The following NUMA1 variants were observed in gnomAD, a reference collection of about 807,000 sequenced individuals.
NUMA1 encodes the protein SP-H antigen.
A neutral mutation model predicts 237.1 loss-of-function variants in NUMA1; 62 were observed. The ratio of observed to expected loss-of-function variants is 0.26; its 90% CI spans 0.21 to 0.32. The LOEUF is 0.32. Ranked by LOEUF, NUMA1 falls within the 10% of genes least tolerant of loss-of-function variation. The pLI is 1.00. For missense variants in NUMA1, 2,533 were observed against 2,666.5 expected (o/e 0.95, Z 1.10); for synonymous variants, 1,028 against 1,066.1 (o/e 0.96, Z 0.70).
chr11:72,014,098 T>C lies in NUMA1; in HGVS notation c.3405A>G (p.Gln1135=), dbSNP rs79170800. ...LRAEVSKLEQ[Q]CQKQQEQADS... is the part of the protein sequence containing the mutation. ...CAGCCTGCTCCTGCTGCTTCTGGCA[T>C]TGCTGTTCCAGCTTGCTCACCTCTG... The change falls in exon 15 of 27, where the codon CAA becomes CAG. Residue 1135 remains glutamine (Q), a synonymous_variant. Transcript: ENST00000393695. This position sits in a 1 kb window ranked among gnomAD's most constrained non-coding sequence, Gnocchi z 4.6. The C allele has an allele frequency of 2.5e-6, 4 of 1,611,246 alleles. No individual in the cohort carries two copies. Among genetic ancestry groups the C allele is most frequent in the Admixed American group, 3.3e-5 (2 of 60,012 alleles).
intron 24 of NUMA1, 97 bp downstream of exon 24, chr11:72,004,543 G>T: frequency 7.5e-7 from 1 of 1,334,768 alleles, no homozygotes; most frequent in East Asian, 2.3e-5. Context: ...AGAGGGGGAA[G>T]TGAGGGAAGG....
intron 20 of NUMA1, 102 bp downstream of exon 20, chr11:72,008,586 A>G (rs1298704520): frequency 3.0e-6 from 4 of 1,325,764 alleles, no homozygotes; most frequent in Non-Finnish European, 4.3e-6. Flanking sequence ...ATTCTTCTCT[A>G]AGAATAAATT....
At chr11:72,047,386 G>A (rs1024033383) in intron 2 of NUMA1, among the ~76,000 whole-genome samples, 3 of 152,128 alleles carry the variant, frequency 2.0e-5, no homozygotes, top group Non-Finnish European at 2.9e-5. Context: ...TACTCAGGAG[G>A]CTGAGGTGGG....
chr11:72,073,635 T>TGA (rs1377647822), intron 1 of NUMA1, among the ~76,000 whole-genome samples: 6 of 152,206 alleles, frequency 3.9e-5, no homozygotes, highest in Admixed American at 2.6e-4. Flanking sequence ...GAAAGACTTA[T>TGA]GAGTCCACTA....
chr11:72,042,845 G>A (rs1941766425), intron 2 of NUMA1, among the ~76,000 whole-genome samples: 1 of 152,092 alleles, frequency 6.6e-6, no homozygotes, highest in Non-Finnish European at 1.5e-5. Flanking sequence ...ATGGAAAGGG[G>A]CCTTGGCACG....
In NUMA1 at chr11:72,003,919, C is replaced by T. The variant is rs376020708; in HGVS notation, c.6304G>A (p.Ala2102Thr). Residue 2102 changes from alanine to threonine, a missense_variant, in exon 26 of 27, where the codon GCC (alanine) becomes ACC (threonine). Ala to Thr is a moderately conservative substitution (Grantham distance 58). Around this residue, in one of 3 missense-constraint regions of NUMA1, gnomAD observed 795 missense variants for 750.8 expected, o/e 1.06. Transcript: ENST00000393695. ...TTTASAATAA[A>T]IGATPRAKGK... ...TTGGCTCGAGGGGTGGCACCAATGG[C>T]GGCAGCAGTGGCGGCGCTGGCTGTG... The T allele has an allele frequency of 5.2e-5, 84 of 1,613,114 alleles. 1 individual carries two copies. The highest frequency in any genetic ancestry group is 3.3e-4 in the Middle Eastern group (2 of 6,024).
At chr11:72,005,708 A>G in intron 22 of NUMA1, 3 of 496,230 alleles carry the variant, frequency 6.0e-6, no homozygotes, top group Non-Finnish European at 7.1e-6. Flanking sequence ...AAAGGACAAG[A>G]GCTTCCAAGA....
chr11:72,013,968 C>G lies in NUMA1; in HGVS notation c.3535G>C (p.Gly1179Arg). The change falls in exon 15 of 27, where the codon GGG (glycine) becomes CGG (arginine). Residue 1179 changes from glycine to arginine, a missense_variant. This residue lies in a region of NUMA1 where 1,414 missense variants were observed against 1,508.1 expected (regional missense o/e 0.94). Coordinates refer to ENST00000393695, the MANE Select transcript of NUMA1 (RefSeq NM_006185.4). The surrounding 1 kb of genome is among the most constrained non-coding windows in gnomAD (Gnocchi z 6.8). ...GQLEEKAQEL[G>R]HSQSALASAQ... ...GAGGCTAAGGCACTCTGACTGTGCC[C>G]TAGCTCCTGGGCCTTCTCCTCTAAC... 6.2e-7 allele frequency: 1 copy of G among 1,613,528 alleles called. No individual in the cohort carries two copies. Among genetic ancestry groups the G allele is most frequent in the South Asian group, 1.1e-5 (1 of 91,090 alleles).
Position 72,055,208 on chromosome 11 carries a change from C to T in NUMA1, c.-33+14634G>A, listed in dbSNP as rs188475648. On this transcript the variant is annotated intron_variant, in intron 2 of 26. Transcript: ENST00000393695. The stretch of plus-strand genomic sequence containing the variant: ...AAATGACTATTATTTGTGTATGGCT[C>T]TTTACAACTAACAAAGTGTTTCCCA... Among the ~76,000 whole-genome samples the T allele has an allele frequency of 1.8e-3, 275 of 152,202 alleles. 3 individuals are homozygous for T. Among genetic ancestry groups the T allele is most frequent in the Non-Finnish European group, 1.9e-3 (127 of 68,004 alleles).
intron 2 of NUMA1, among the ~76,000 whole-genome samples, chr11:72,050,155 A>G (rs1350308157): frequency 1.3e-5 from 2 of 152,216 alleles, no homozygotes; most frequent in Admixed American, 6.5e-5. Flanking sequence ...GAGGAACTAC[A>G]AGGCAGCTTT....
At position 72,008,452 on chromosome 11, in the gene NUMA1, C is replaced by CA. The variant is rs2134618146; in HGVS notation, c.5216+235dup. 4 of 538,610 alleles carry CA rather than the reference C, an allele frequency of 7.4e-6. No individual in the cohort carries two copies. The East Asian group carries it at 1.3e-4, about 18-fold the overall frequency. The allele number at this position is 538,610 out of a possible 1,614,324, so 33.4% of individuals were successfully genotyped here. A position where few individuals can be genotyped will look rare whatever the true frequency, so the allele number is the denominator to read the frequency against. ...CTGCTCTTCTCGTCAACCTGGCACA[C>CA]ACACCTATGGATGCTTTCAAGACTC... is the stretch of plus-strand genomic sequence containing the variant. On this transcript the variant is annotated intron_variant, in intron 20 of 26. Coordinates refer to ENST00000393695, the MANE Select transcript of NUMA1 (RefSeq NM_006185.4).
rs771460939 is a variant in NUMA1 at position 72,015,788 on chromosome 11, T to A, written c.1715A>T (p.Glu572Val). 6.2e-7 allele frequency: 1 copy of A among 1,614,212 alleles called. No homozygotes were observed. The highest frequency in any genetic ancestry group is 8.5e-7 in the Non-Finnish European group (1 of 1,180,046). ...GTCCTGCCTAGTTGCCTCCTGCTTC[T>A]CCGCTACCTCCTTCAACTGCTGCTC... ...QKEQQLKEVAEKQEATRQDHA... is the reference protein window; with the variant it reads ...QKEQQLKEVAVKQEATRQDHA... The change falls in exon 15 of 27, where the codon GAG (glutamate) becomes GTG (valine). Residue 572 changes from glutamate (E) to valine (V), a missense_variant. Physicochemically the swap from Glu to Val is moderately radical, Grantham distance 121. Transcript: ENST00000393695. This position sits in a 1 kb window ranked among gnomAD's most constrained non-coding sequence, Gnocchi z 4.0.
Position 72,014,790 on chromosome 11 carries a change from G to A in NUMA1, c.2713C>T (p.Leu905=). 6.2e-7 allele frequency: 1 copy of A among 1,614,210 alleles called. No homozygotes were observed. The highest frequency in any genetic ancestry group is 1.1e-5 in the South Asian group (1 of 91,086). The part of the protein sequence containing the change: ...AQKLADDLST[L]QEKMAATSKE... ...CTGGTGGCAGCCATCTTTTCCTGCA[G>A]AGTGGAGAGGTCATCTGCAAGCTTC... Residue 905 remains leucine (L), a synonymous_variant, in exon 15 of 27, where the codon CTG becomes TTG. Coordinates refer to ENST00000393695, the MANE Select transcript of NUMA1 (RefSeq NM_006185.4). The surrounding 1 kb of genome is among the most constrained non-coding windows in gnomAD (Gnocchi z 4.6).
intron 2 of NUMA1, among the ~76,000 whole-genome samples, chr11:72,050,050 G>A (rs1157971513): frequency 6.6e-6 from 1 of 152,108 alleles, no homozygotes; most frequent in Non-Finnish European, 1.5e-5. Context: ...ACATGTGGGT[G>A]CTTCATTAAT....
In NUMA1 at chr11:72,018,289, C is replaced by T. The variant is rs764087833; in HGVS notation, c.872G>A (p.Arg291Gln). The change falls in exon 12 of 27, where the codon CGG (arginine) becomes CAG (glutamine). Residue 291 changes from arginine to glutamine, a missense_variant. Physicochemically the swap from Arg to Gln is conservative, Grantham distance 43. Coordinates refer to ENST00000393695, the MANE Select transcript of NUMA1 (RefSeq NM_006185.4). ...LRDKNESLTM[R>Q]LHETLKQCQD... ...GCACTGCTTCAGGGTTTCATGCAGC[C>T]GCATGGTAAGGCTGCGAGGGAGGGA... 11 of 1,613,760 alleles carry T rather than the reference C, an allele frequency of 6.8e-6. No homozygotes were observed. The highest frequency in any genetic ancestry group is 4.5e-5 in the East Asian group (2 of 44,874).
intron 2 of NUMA1, among the ~76,000 whole-genome samples, chr11:72,063,299 C>T (rs1943038550): frequency 6.6e-6 from 1 of 152,184 alleles, no homozygotes; most frequent in Admixed American, 6.5e-5. Context: ...GAGAGGATCA[C>T]TTGAACCCTG....
At chr11:72,055,652 T>C (rs1389328901) in intron 2 of NUMA1, among the ~76,000 whole-genome samples, 1 of 152,158 alleles carries the variant, frequency 6.6e-6, no homozygotes, top group Non-Finnish European at 1.5e-5. Flanking sequence ...AAACTTTGTG[T>C]ACTTTTCTGT....
intron 2 of NUMA1, chr11:72,065,146 T>C (rs1943142856): frequency 6.6e-6 from 1 of 152,158 alleles, no homozygotes; most frequent in Non-Finnish European, 1.5e-5. Context: ...TCTAGTAATC[T>C]ATTTGTAGAT....
intron 15 of NUMA1, 62 bp from the exon 16 acceptor site, chr11:72,012,504 G>T: frequency 6.7e-7 from 1 of 1,497,418 alleles, no homozygotes; most frequent in Non-Finnish European, 9.3e-7. Flanking sequence ...CACCAGCCCT[G>T]CTGCCAGGCT....
Sources: gnomAD v4.1 joint callset for allele counts (sites outside exome capture counted in the v4.1 genomes callset) on GRCh38, gnomAD v4.1.1 for gene constraint, gnomAD v4.1.1 regional missense constraint, Gnocchi (gnomAD v3.1) non-coding constraint, MANE v1.5 for transcripts, NCBI Gene and HGNC (gene_info 2026-07-23, HGNC 2026-07-21) for gene names.